Variants in FRYL observed in about 807,000 individuals in gnomAD.
FRYL encodes protein furry homolog-like.
Under a neutral mutation model 351.2 loss-of-function variants are expected in FRYL, and 150 were observed. The observed-to-expected ratio is 0.43, with a 90% confidence interval of 0.37 to 0.49. The LOEUF (loss-of-function observed/expected upper bound fraction) is 0.49. Ranked by LOEUF, FRYL falls within the 20% of genes least tolerant of loss-of-function variation. The pLI, the probability that FRYL is intolerant of heterozygous loss-of-function variation, is 0.00. For missense variants in FRYL, 3,036 were observed against 3,619.3 expected (o/e 0.84, Z 4.13); for synonymous variants, 1,153 against 1,257.1 (o/e 0.92, Z 1.75).
rs1720660969 is a variant in FRYL at position 48,505,313 on chromosome 4, G to A, written c.8463+234C>T. 8.9e-6 allele frequency: 5 copies of A among 559,128 alleles called. No individual in the cohort carries two copies. In the Admixed American group the frequency reaches 1.4e-4, roughly 16 times the overall value. 34.6% of individuals were successfully genotyped at this position (559,128 alleles called of 1,614,324 possible). On this transcript the variant is annotated intron_variant, in intron 60 of 63. Coordinates refer to ENST00000358350, the MANE Select transcript of FRYL (RefSeq NM_015030.2). ...CAGATATCCATCAAGCTTATCTATT[G>A]GATGTTATTAAGCTTCAGTCACAAG...
chr4:48,525,196 T>TATATATACAC lies in FRYL; in HGVS notation c.7318-2093_7318-2092insGTGTATATAT, dbSNP rs759279145. Among the ~76,000 whole-genome samples, 194 of 133,026 alleles carry TATATATACAC rather than the reference T, an allele frequency of 1.5e-3. 2 individuals carry two copies. Among genetic ancestry groups the TATATATACAC allele is most frequent in the African/African-American group, 5.2e-3 (174 of 33,252 alleles). The allele number at this position is 133,026 out of a possible 152,430, so 87.3% of individuals were successfully genotyped here. ...ATATATATATATATATATATATATA[T>TATATATACAC]ACACACACTTGGATGTGATGTAAAA... is the stretch of plus-strand genomic sequence containing the variant. On this transcript the variant is annotated intron_variant, in intron 53 of 63. Transcript: ENST00000358350.
chr4:48,655,042 C>G (rs1758539021), intron 3 of FRYL, among the ~76,000 whole-genome samples: 2 of 152,170 alleles, frequency 1.3e-5, no homozygotes, highest in Non-Finnish European at 2.9e-5. Flanking sequence ...AAAGTCATAA[C>G]TGAATAAATT....
chr4:48,528,406 A>G (rs968113072), intron 50 of FRYL, 70 bp from the exon 51 acceptor site: 2 of 1,180,336 alleles, frequency 1.7e-6, no homozygotes, highest in African/African-American at 1.5e-5. Context: ...AAGGGTTAAC[A>G]GTGCACCTAT....
intron 2 of FRYL, among the ~76,000 whole-genome samples, chr4:48,705,002 TCCCAG>T (rs942391373): frequency 6.8e-6 from 1 of 148,024 alleles, no homozygotes; most frequent in African/African-American, 2.5e-5. Flanking sequence ...ACACCTGTCA[TCCCAG>T]CTACTCGGGT....
chr4:48,733,065 C>T (rs985687175), intron 1 of FRYL, among the ~76,000 whole-genome samples: 2 of 151,822 alleles, frequency 1.3e-5, no homozygotes, highest in African/African-American at 4.8e-5. Flanking sequence ...CACCTGAGAT[C>T]AGGAGTTCGA....
At chr4:48,746,898 T>C (rs114875150) in intron 1 of FRYL, among the ~76,000 whole-genome samples, 1 of 152,230 alleles carries the variant, frequency 6.6e-6, no homozygotes, top group Admixed American at 6.5e-5. Context: ...ATAGTCTGAC[T>C]GTAGCTTTGC....
At chr4:48,697,726 G>A (rs1425539400) in intron 2 of FRYL, among the ~76,000 whole-genome samples, 2 of 152,066 alleles carry the variant, frequency 1.3e-5, no homozygotes, top group African/African-American at 2.4e-5. Context: ...TGATCCACCC[G>A]CATGGGCCTC....
chr4:48,501,413 T>C (rs1719625641), intron 62 of FRYL, among the ~76,000 whole-genome samples: 1 of 152,206 alleles, frequency 6.6e-6, no homozygotes, highest in African/African-American at 2.4e-5. Flanking sequence ...TTTAAGGTCT[T>C]GAACCTTTTA....
intron 5 of FRYL, 52 bp from the exon 6 acceptor site, chr4:48,620,830 C>A (rs770899629): frequency 4.0e-6 from 6 of 1,488,120 alleles, no homozygotes; most frequent in Non-Finnish European, 5.6e-6. Context: ...GAATGTACCA[C>A]ACTCTTAAGT....
At chr4:48,596,855 C>CA (rs1744687586) in intron 13 of FRYL, among the ~76,000 whole-genome samples, 1 of 142,764 alleles carries the variant, frequency 7.0e-6, no homozygotes. Context: ...TAATAATCTC[C>CA]TTTTTTTTTT....
chr4:48,680,851 G>T, intron 3 of FRYL: 1 of 440,862 alleles, frequency 2.3e-6, no homozygotes, highest in Non-Finnish European at 3.3e-6. Context: ...CTGCTCACTA[G>T]AATTCATACT....
chr4:48,615,972 C>G (rs1157774744), intron 7 of FRYL, among the ~76,000 whole-genome samples: 1 of 152,022 alleles, frequency 6.6e-6, no homozygotes, highest in African/African-American at 2.4e-5. Flanking sequence ...GAACAGAAAA[C>G]CAAACACTGC....
chr4:48,657,174 T>C (rs1307647682), intron 3 of FRYL, among the ~76,000 whole-genome samples: 1 of 151,968 alleles, frequency 6.6e-6, no homozygotes, highest in African/African-American at 2.4e-5. Flanking sequence ...ACTAATCCTG[T>C]TTTTGTTTTG....
At chr4:48,505,644 A>G in intron 59 of FRYL, 29 bp from the exon 60 acceptor site, 2 of 1,438,504 alleles carry the variant, frequency 1.4e-6, no homozygotes, top group Non-Finnish European at 1.9e-6. Flanking sequence ...AACGTTTAAT[A>G]TGCACAGTAA....
chr4:48,615,490 A>G (rs1578364043), intron 7 of FRYL, among the ~76,000 whole-genome samples: 1 of 152,244 alleles, frequency 6.6e-6, no homozygotes, highest in Non-Finnish European at 1.5e-5. Flanking sequence ...CTAAAATTCA[A>G]TATTAAAAAG....
intron 13 of FRYL, among the ~76,000 whole-genome samples, chr4:48,599,296 A>C (rs1290924884): frequency 6.6e-5 from 10 of 152,186 alleles, no homozygotes; most frequent in African/African-American, 2.2e-4. Context: ...CAAGCACCTA[A>C]ATTGATATAG....
intron 3 of FRYL, among the ~76,000 whole-genome samples, chr4:48,660,462 C>T (rs1228871594): frequency 2.6e-5 from 4 of 152,182 alleles, no homozygotes; most frequent in Non-Finnish European, 5.9e-5. Flanking sequence ...ATACAATTTA[C>T]ATCAAACACC....
intron 3 of FRYL, among the ~76,000 whole-genome samples, chr4:48,682,404 A>T (rs1764720578): frequency 6.6e-6 from 1 of 152,218 alleles, no homozygotes; most frequent in Non-Finnish European, 1.5e-5. Flanking sequence ...ATAGCAACAA[A>T]AGCCAAAATT....
At chr4:48,763,353 T>A (rs1237423165) in intron 1 of FRYL, among the ~76,000 whole-genome samples, 1 of 151,990 alleles carries the variant, frequency 6.6e-6, no homozygotes. Flanking sequence ...TCCCAGCTAC[T>A]CGGGAGGCTG....
Sources: allele counts gnomAD v4.1 joint callset (sites outside exome capture counted in the v4.1 genomes callset), GRCh38; gene constraint gnomAD v4.1.1; transcripts MANE v1.5; gene names NCBI Gene and HGNC (gene_info 2026-07-23, HGNC 2026-07-21).